The following KLHL38 variants were observed in gnomAD, a reference collection of about 807,000 sequenced individuals.
The protein encoded by KLHL38 is kelch like family member 38.
In KLHL38, 38 loss-of-function variants were observed where a neutral mutation model predicts 39.6. The observed-to-expected ratio is 0.96, with a 90% confidence interval of 0.74 to 1.26. The LOEUF (loss-of-function observed/expected upper bound fraction) is 1.26. KLHL38 is among the 50% of genes most tolerant of loss of function. KLHL38 has a pLI of 0.00. For synonymous variants in KLHL38, 322 were observed against 302.2 expected (o/e 1.07, Z -0.68); for missense variants, 803 against 748.1 (o/e 1.07, Z -0.86).
chr8:123,646,961 C>G lies in KLHL38; in HGVS notation c.1404G>C (p.Lys468Asn). The change falls in exon 3 of 4, where the codon AAG (lysine) becomes AAC (asparagine). Residue 468 changes from lysine (K) to asparagine (N), a missense_variant. Lys to Asn is a moderately conservative substitution (Grantham distance 94). Transcript: ENST00000684634. Reference sequence around the variant, plus strand: ...GCACCACTGCAGGGGCACACACGTTCTTGATCATTCTTGTCTCCATTTTGA... The same window carrying G: ...GCACCACTGCAGGGGCACACACGTTGTTGATCATTCTTGTCTCCATTTTGA... ...SWFKMETRMI[K>N]NVCAPAVVLG... is the part of the protein sequence containing the mutation. 6.2e-7 allele frequency: 1 copy of G among 1,613,876 alleles called. No homozygotes were observed.
chr8:123,645,055 A>AGAGAGAG lies in KLHL38; in HGVS notation c.*683_*684insCTCTCTC, dbSNP rs112968111. Among the ~76,000 whole-genome samples the AGAGAGAG allele has an allele frequency of 6.7e-6, 1 of 149,546 alleles. No homozygotes were observed. Among genetic ancestry groups the AGAGAGAG allele is most frequent in the Non-Finnish European group, 1.5e-5 (1 of 67,262 alleles). On this transcript the variant is annotated 3_prime_UTR_variant, in exon 4 of 4. Transcript: ENST00000684634. The stretch of plus-strand genomic sequence containing the variant: ...GAGACTGAGAGAGAGAGAGAGAGAG[A>AGAGAGAG]GGGGCAGAGAGAGGCAGAGAGACAG...
intron 3 of KLHL38, among the ~76,000 whole-genome samples, 182 bp from the exon 4 acceptor site, chr8:123,646,210 G>T (rs34792899): frequency 0.024 from 3,713 of 152,300 alleles, 154 homozygotes; most frequent in African/African-American, 0.083. Flanking sequence ...GGGCTGGCAC[G>T]CAAATCTGCC....
chr8:123,652,074 A>C lies in KLHL38; in HGVS notation c.853T>G (p.Phe285Val). 1 of 1,614,186 alleles carries C rather than the reference A, an allele frequency of 6.2e-7. No individual in the cohort carries two copies. The highest frequency in any genetic ancestry group is 8.5e-7 in the Non-Finnish European group (1 of 1,180,026). ...HVPPRNSYQDFLILLGGRKDS... is the reference protein window; with the variant it reads ...HVPPRNSYQDVLILLGGRKDS... ...TTCCTTCCGCCCAAGAGGATGAGGA[A>C]ATCTTGGTAAGAGTTTCTTGGAGGG... The change falls in exon 2 of 4, where the codon TTC becomes GTC. Residue 285 changes from phenylalanine to valine, a missense_variant. By Grantham distance (50) the Phe-to-Val change is conservative. Coordinates refer to ENST00000684634, the MANE Select transcript of KLHL38 (RefSeq NM_001081675.3).
chr8:123,652,228 G>C lies in KLHL38; in HGVS notation c.699C>G (p.His233Gln). ...GGAGGGCATCGTTGGCGATGAAGTG[G>C]TGAAAGAAGGCTGGGTGGATGTACT... ...RLQYIHPAFFHHFIANDALLQ... is the reference protein window; with the variant it reads ...RLQYIHPAFFQHFIANDALLQ... Residue 233 changes from histidine (H) to glutamine (Q), a missense_variant, in exon 2 of 4, where the codon CAC becomes CAG. By Grantham distance (24) the His-to-Gln change is conservative. Coordinates refer to ENST00000684634, the MANE Select transcript of KLHL38 (RefSeq NM_001081675.3). The C allele has an allele frequency of 1.9e-6, 3 of 1,614,184 alleles. No homozygotes were observed. Among genetic ancestry groups the C allele is most frequent in the Non-Finnish European group, 1.7e-6 (2 of 1,180,022 alleles).
chr8:123,647,050 A>C, intron 2 of KLHL38, 36 bp from the exon 3 acceptor site: 1 of 1,165,866 alleles, frequency 8.6e-7, no homozygotes, highest in East Asian at 2.3e-5. Context: ...CTGCATTTTA[A>C]AGTGAAATAT....
intron 2 of KLHL38, among the ~76,000 whole-genome samples, chr8:123,650,088 T>A (rs1303701560): frequency 6.7e-6 from 1 of 149,732 alleles, no homozygotes; most frequent in Non-Finnish European, 1.5e-5. Context: ...CCTCTTTTAT[T>A]CTCCATCCCC....
At chr8:123,651,216 T>C (rs760345404) in intron 2 of KLHL38, among the ~76,000 whole-genome samples, 2 of 152,222 alleles carry the variant, frequency 1.3e-5, no homozygotes, top group Non-Finnish European at 2.9e-5. Context: ...CATGTATGCA[T>C]GTACGTATTT....
intron 2 of KLHL38, among the ~76,000 whole-genome samples, chr8:123,648,636 A>G (rs1818700399): frequency 6.6e-6 from 1 of 152,234 alleles, no homozygotes; most frequent in South Asian, 2.1e-4. Flanking sequence ...CACCATGCTC[A>G]TAATACCCCA....
At position 123,652,230 on chromosome 8, in the gene KLHL38, G is replaced by C. The variant is rs751703353; in HGVS notation, c.697C>G (p.His233Asp). 3 of 1,614,072 alleles carry C rather than the reference G, an allele frequency of 1.9e-6. No homozygotes were observed. Among genetic ancestry groups the C allele is most frequent in the Admixed American group, 3.3e-5 (2 of 60,012 alleles). ...RLQYIHPAFF[H>D]HFIANDALLQ... ...AGGGCATCGTTGGCGATGAAGTGGT[G>C]AAAGAAGGCTGGGTGGATGTACTGC... Residue 233 changes from histidine to aspartate, a missense_variant, in exon 2 of 4, where the codon CAC becomes GAC. Transcript: ENST00000684634.
Position 123,646,925 on chromosome 8 carries a change from C to A in KLHL38, c.1440G>T (p.Arg480=). 6.2e-7 allele frequency: 1 copy of A among 1,612,298 alleles called. No individual in the cohort carries two copies. Among genetic ancestry groups the A allele is most frequent in the Non-Finnish European group, 8.5e-7 (1 of 1,179,112 alleles). The change falls in exon 3 of 4, where the codon CGG becomes CGT. Residue 480 remains arginine (R), a synonymous_variant. Transcript: ENST00000684634. ...VCAPAVVLGE[R]IVIVGGYTRR... is the part of the protein sequence containing the mutation. ...CAGACTCACCTCCCACAATGACAATCCGCTCCCCAAGCACCACTGCAGGGG... is the reference window on the plus strand; with the variant it reads ...CAGACTCACCTCCCACAATGACAATACGCTCCCCAAGCACCACTGCAGGGG...
intron 2 of KLHL38, among the ~76,000 whole-genome samples, chr8:123,650,655 A>G (rs1008042392): frequency 6.6e-6 from 1 of 152,098 alleles, no homozygotes. Flanking sequence ...AAGCTGGAAA[A>G]CACTTAATAT....
chr8:123,651,268 T>A (rs1443082280), intron 2 of KLHL38, among the ~76,000 whole-genome samples: 1 of 152,260 alleles, frequency 6.6e-6, no homozygotes, highest in Non-Finnish European at 1.5e-5. Context: ...CATGTGTAGA[T>A]ATATGTAAAT....
chr8:123,645,696 G>A lies in KLHL38; in HGVS notation c.*43C>T, dbSNP rs745512053. On this transcript the variant is annotated 3_prime_UTR_variant, in exon 4 of 4. Transcript: ENST00000684634. ...TTGGAGCTGGGTTTGTGTCCCTGGC[G>A]ACAGAAGGCATTTTGACTAGGGCAG... 7.5e-6 allele frequency: 12 copies of A among 1,599,022 alleles called. No homozygotes were observed. Among genetic ancestry groups the A allele is most frequent in the South Asian group, 4.5e-5 (4 of 89,852 alleles).
At position 123,645,477 on chromosome 8, in the gene KLHL38, G is replaced by GAGAGAC. The variant is rs763692107; in HGVS notation, c.*261_*262insGTCTCT. 35,141 of 467,358 alleles carry GAGAGAC rather than the reference G, an allele frequency of 0.075. 1,039 individuals carry two copies. The highest frequency in any genetic ancestry group is 0.13 in the African/African-American group (5,788 of 43,138). The allele number at this position is 467,358 out of a possible 1,614,324, so 29.0% of individuals were successfully genotyped here. ...AGAGAGAGAGAGAGAGAGAGAGAGA[G>GAGAGAC]AGACAGACAGAGATAGGGGAGAGAA... On this transcript the variant is annotated 3_prime_UTR_variant, in exon 4 of 4. Coordinates refer to ENST00000684634, the MANE Select transcript of KLHL38 (RefSeq NM_001081675.3).
rs1818670696 is a variant in KLHL38 at position 123,646,763 on chromosome 8, T to C, written c.1456+146A>G. On this transcript the variant is annotated intron_variant, in intron 3 of 3. Coordinates refer to ENST00000684634, the MANE Select transcript of KLHL38 (RefSeq NM_001081675.3). ...AAAACTTCTGGATGAGGAGAGAGTTTTGTCAGATTCTCCACGCTCTTCTGG... is the reference window on the plus strand; with the variant it reads ...AAAACTTCTGGATGAGGAGAGAGTTCTGTCAGATTCTCCACGCTCTTCTGG... The C allele has an allele frequency of 5.3e-6, 3 of 569,350 alleles. No homozygotes were observed. The African/African-American group carries it at 5.6e-5, about 11-fold the overall frequency. The allele number at this position is 569,350 out of a possible 1,614,324, so 35.3% of individuals were successfully genotyped here. A position where few individuals can be genotyped will look rare whatever the true frequency, so the allele number is the denominator to read the frequency against.
At chr8:123,650,947 T>C (rs1587053649) in intron 2 of KLHL38, among the ~76,000 whole-genome samples, 1 of 152,246 alleles carries the variant, frequency 6.6e-6, no homozygotes, top group Admixed American at 6.5e-5. Flanking sequence ...CAAATTCCTA[T>C]GGGACTTCAC....
rs1322996535 is a variant in KLHL38, at chr8:123,652,666, C to T, written c.261G>A (p.Gln87=). The change falls in exon 2 of 4, where the codon CAG becomes CAA. Residue 87 remains glutamine, a synonymous_variant. Coordinates refer to ENST00000684634, the MANE Select transcript of KLHL38 (RefSeq NM_001081675.3). Reference sequence around the variant, plus strand: ...CCCCCGTATACACGTAGGAGACGATCTGGTCCAGGGTTGGGGGGTCAATGC... The same window carrying T: ...CCCCCGTATACACGTAGGAGACGATTTGGTCCAGGGTTGGGGGGTCAATGC... ...LKGIDPPTLD[Q]IVSYVYTGEA... 26 of 1,614,114 alleles carry T rather than the reference C, an allele frequency of 1.6e-5. No homozygotes were observed. Among genetic ancestry groups the T allele is most frequent in the Non-Finnish European group, 1.9e-5 (22 of 1,180,048 alleles).
chr8:123,651,519 G>A (rs1812642769), intron 2 of KLHL38, 58 bp downstream of exon 2: 1 of 1,488,230 alleles, frequency 6.7e-7, no homozygotes, highest in African/African-American at 1.4e-5. Context: ...AGCAGGTGTG[G>A]GTGTGTCCAA....
At position 123,653,573 on chromosome 8, in the gene KLHL38, G is replaced by A. The variant is rs1417779117; in HGVS notation, c.-2+13C>T. 6.6e-6 allele frequency among the ~76,000 whole-genome samples: 1 copy of A among 152,236 alleles called. No individual in the cohort carries two copies. Among genetic ancestry groups the A allele is most frequent in the Non-Finnish European group, 1.5e-5 (1 of 68,042 alleles). On this transcript the variant is annotated intron_variant, in intron 1 of 3. Coordinates refer to ENST00000684634, the MANE Select transcript of KLHL38 (RefSeq NM_001081675.3). ...TTCTACTTGCAGAAGAAATAAGTATGAGGGACACTTACCTTGTTTTGCTGC... is the reference window on the plus strand; with the variant it reads ...TTCTACTTGCAGAAGAAATAAGTATAAGGGACACTTACCTTGTTTTGCTGC...
Sources: allele counts gnomAD v4.1 joint callset (sites outside exome capture counted in the v4.1 genomes callset), GRCh38; gene constraint gnomAD v4.1.1; transcripts MANE v1.5; gene names NCBI Gene and HGNC (gene_info 2026-07-23, HGNC 2026-07-21).